The following ANAPC10 variants were observed in gnomAD, a reference collection of about 807,000 sequenced individuals.
ANAPC10 encodes the protein anaphase-promoting complex subunit 10.
In ANAPC10, 12 loss-of-function variants were observed where a neutral mutation model predicts 22.0. That is an observed-to-expected ratio of 0.55 (90% CI 0.35 to 0.88). ANAPC10 has a LOEUF of 0.88. Ranked by LOEUF, ANAPC10 falls within the 40% of genes least tolerant of loss-of-function variation. The pLI, the probability that ANAPC10 is intolerant of heterozygous loss-of-function variation, is 0.01. For synonymous variants in ANAPC10, 65 were observed against 69.5 expected (o/e 0.94, Z 0.32); for missense variants, 188 against 220.9 (o/e 0.85, Z 0.94).
At chr4:145,054,315 G>A (rs1241827588) in intron 4 of ANAPC10, among the ~76,000 whole-genome samples, 9 of 150,396 alleles carry the variant, frequency 6.0e-5, no homozygotes, top group Non-Finnish European at 1.2e-4. Context: ...ACTTTGGGAG[G>A]CCGAGGAGGG....
chr4:145,093,062 C>A (rs971817481), intron 2 of ANAPC10, among the ~76,000 whole-genome samples: 3 of 152,194 alleles, frequency 2.0e-5, no homozygotes, highest in African/African-American at 7.2e-5. Context: ...GAGAACTAAC[C>A]TGCCTCTCAT....
chr4:145,088,313 CT>C (rs1370626566), intron 2 of ANAPC10, among the ~76,000 whole-genome samples: 1 of 152,170 alleles, frequency 6.6e-6, no homozygotes, highest in East Asian at 1.9e-4. Flanking sequence ...CACTGATGAC[CT>C]TCAAATTTGT....
At chr4:145,067,817 A>G (rs1395824000) in intron 3 of ANAPC10, among the ~76,000 whole-genome samples, 1 of 152,186 alleles carries the variant, frequency 6.6e-6, no homozygotes, top group Non-Finnish European at 1.5e-5. Flanking sequence ...TCTTCATAAC[A>G]TCTGGCTAAA....
chr4:145,034,331 T>C (rs943057060), intron 4 of ANAPC10, among the ~76,000 whole-genome samples: 6 of 151,486 alleles, frequency 4.0e-5, no homozygotes, highest in African/African-American at 7.3e-5. Flanking sequence ...GCAGAAAAAA[T>C]ATGAAAAGGA....
intron 4 of ANAPC10, among the ~76,000 whole-genome samples, chr4:145,007,799 T>C (rs1733635135): frequency 6.7e-6 from 1 of 148,488 alleles, no homozygotes; most frequent in African/African-American, 2.5e-5. Context: ...ATTCAGAAGC[T>C]AGCAGAAGGC....
chr4:145,071,125 G>A (rs1186191215), intron 3 of ANAPC10, among the ~76,000 whole-genome samples: 2 of 152,168 alleles, frequency 1.3e-5, no homozygotes, highest in African/African-American at 2.4e-5. Flanking sequence ...AAAAATGGCT[G>A]GCCAGGAACA....
intron 4 of ANAPC10, among the ~76,000 whole-genome samples, chr4:145,008,769 A>C (rs542541269): frequency 4.6e-5 from 7 of 152,322 alleles, no homozygotes; most frequent in South Asian, 4.1e-4. Flanking sequence ...TTCCCTTTGA[A>C]AACTGGCACG....
intron 4 of ANAPC10, among the ~76,000 whole-genome samples, chr4:145,030,187 A>G (rs1737347109): frequency 6.6e-6 from 1 of 152,222 alleles, no homozygotes; most frequent in Non-Finnish European, 1.5e-5. Flanking sequence ...TAACTTATAC[A>G]AACAGAAAAC....
At chr4:145,093,364 T>C (rs951767554) in intron 2 of ANAPC10, among the ~76,000 whole-genome samples, 1 of 151,534 alleles carries the variant, frequency 6.6e-6, no homozygotes, top group Non-Finnish European at 1.5e-5. Context: ...GGACAAATGA[T>C]AGAAAAAAGG....
intron 1 of ANAPC10, chr4:145,097,289 G>C (rs1207353300): frequency 8.2e-6 from 3 of 366,150 alleles, no homozygotes; most frequent in Non-Finnish European, 1.6e-5. Context: ...ATGGCTTCAA[G>C]ATTTTGAAGT....
chr4:145,035,340 T>C (rs1738353660), intron 4 of ANAPC10: 1 of 152,244 alleles, frequency 6.6e-6, no homozygotes, highest in Non-Finnish European at 1.5e-5. Flanking sequence ...GTAGCTGTGC[T>C]TCCCTCACAG....
chr4:145,086,007 T>C (rs189332384), intron 2 of ANAPC10, among the ~76,000 whole-genome samples: 2 of 152,196 alleles, frequency 1.3e-5, no homozygotes, highest in Admixed American at 1.3e-4. Context: ...GAAGCTCACC[T>C]TTGCAGGGGG....
chr4:145,071,568 C>G (rs1744495374), intron 3 of ANAPC10, among the ~76,000 whole-genome samples: 1 of 151,820 alleles, frequency 6.6e-6, no homozygotes, highest in African/African-American at 2.4e-5. Context: ...TAAAGAAAAA[C>G]CATATGATCC....
intron 4 of ANAPC10, among the ~76,000 whole-genome samples, chr4:145,049,383 C>G (rs1417602427): frequency 1.3e-5 from 2 of 152,126 alleles, no homozygotes; most frequent in African/African-American, 4.8e-5. Flanking sequence ...AGTAGAAGTT[C>G]TTTTAAAATT....
intron 4 of ANAPC10, among the ~76,000 whole-genome samples, chr4:145,054,210 T>C (rs768888304): frequency 3.3e-5 from 5 of 150,924 alleles, no homozygotes; most frequent in Non-Finnish European, 7.4e-5. Flanking sequence ...CCCAGCCTGA[T>C]TACTACTGTT....
chr4:145,067,683 G>A (rs1469884235), intron 3 of ANAPC10, among the ~76,000 whole-genome samples: 3 of 152,162 alleles, frequency 2.0e-5, no homozygotes, highest in African/African-American at 2.4e-5. Context: ...GCCGCCTCCT[G>A]CTACCACAGA....
intron 4 of ANAPC10, 64 bp from the exon 5 acceptor site, chr4:144,995,667 G>T (rs994038587): frequency 1.7e-5 from 18 of 1,047,284 alleles, no homozygotes; most frequent in African/African-American, 6.5e-5. Flanking sequence ...AACAATGAAT[G>T]CATTCTATAA....
intron 3 of ANAPC10, among the ~76,000 whole-genome samples, chr4:145,077,942 A>G (rs997397621): frequency 7.2e-5 from 11 of 152,192 alleles, no homozygotes; most frequent in African/African-American, 2.2e-4. Flanking sequence ...GGAAGGAAGC[A>G]TTCCACTTAA....
chr4:145,048,442 G>A (rs1346616454), intron 4 of ANAPC10, among the ~76,000 whole-genome samples: 1 of 152,096 alleles, frequency 6.6e-6, no homozygotes, highest in Non-Finnish European at 1.5e-5. Context: ...CAGTCAACAC[G>A]AAGTGGGTAT....
Sources: allele counts gnomAD v4.1 joint callset (sites outside exome capture counted in the v4.1 genomes callset), GRCh38; gene constraint gnomAD v4.1.1; transcripts MANE v1.5; gene names NCBI Gene and HGNC (gene_info 2026-07-23, HGNC 2026-07-21).